PRKG1: variants seen among roughly 807,000 people sequenced by gnomAD.
PRKG1 encodes cGMP-dependent protein kinase 1.
In PRKG1, 35 loss-of-function variants were observed where a neutral mutation model predicts 88.1. The observed-to-expected ratio is 0.40, with a 90% CI of 0.30 to 0.53. PRKG1 has a LOEUF of 0.53. Ranked by LOEUF, PRKG1 falls within the 20% of genes least tolerant of loss-of-function variation. The probability of loss-of-function intolerance (pLI) is 0.59; values close to 1 mark genes in which losing one functional copy is unlikely to be tolerated. For synonymous variants in PRKG1, 303 were observed against 292.5 expected, an observed-to-expected ratio of 1.04 and a Z score of -0.37; for missense variants, 540 against 839.8, an observed-to-expected ratio of 0.64 and a Z score of 4.41.
At chr10:51,865,042 C>T (rs748343171) in intron 4 of PRKG1, among the ~76,000 whole-genome samples, 7 of 151,946 alleles carry the variant, frequency 4.6e-5, no homozygotes, top group East Asian at 3.8e-4. Context: ...TTATATTGTA[C>T]GCCAGCTACA....
At chr10:51,841,584 T>C (rs1279778376) in intron 4 of PRKG1, among the ~76,000 whole-genome samples, 3 of 152,176 alleles carry the variant, frequency 2.0e-5, no homozygotes, top group African/African-American at 7.2e-5. Context: ...GAAATTCTGT[T>C]TTCTTGTGCA....
intron 1 of PRKG1, among the ~76,000 whole-genome samples, chr10:51,151,058 A>C (rs1171780288): frequency 6.6e-6 from 1 of 151,868 alleles, no homozygotes; most frequent in Non-Finnish European, 1.5e-5. Flanking sequence ...ATGTAGCTGA[A>C]CAAGTTGTGG....
chr10:51,288,866 T>A (rs1840510611), intron 2 of PRKG1, among the ~76,000 whole-genome samples: 1 of 152,168 alleles, frequency 6.6e-6, no homozygotes, highest in Admixed American at 6.5e-5. Flanking sequence ...TAGAAGTAGA[T>A]TTTTTTACTT....
At chr10:52,017,258 T>C (rs575076858) in intron 5 of PRKG1, among the ~76,000 whole-genome samples, 2 of 152,278 alleles carry the variant, frequency 1.3e-5, no homozygotes, top group South Asian at 4.1e-4. Flanking sequence ...GAGTTGTAAA[T>C]CTTCTCATTG....
At chr10:51,230,720 A>G (rs1838821949) in intron 2 of PRKG1, among the ~76,000 whole-genome samples, 1 of 152,178 alleles carries the variant, frequency 6.6e-6, no homozygotes. Context: ...ATTACTTATA[A>G]TAATGAATGC....
At position 51,074,665 on chromosome 10, in the gene PRKG1, C is replaced by T; in HGVS notation, c.75C>T (p.Ile25=). 1 of 1,614,074 alleles carries T rather than the reference C, an allele frequency of 6.2e-7. No homozygotes were observed. Among genetic ancestry groups the T allele is most frequent in the Non-Finnish European group, 8.5e-7 (1 of 1,179,978 alleles). The change falls in exon 1 of 18, where the codon ATC becomes ATT. Residue 25 remains isoleucine (I), a synonymous_variant. Coordinates refer to ENST00000373980, the MANE Select transcript of PRKG1 (RefSeq NM_006258.4). ...AGCTGAGGCAGCGGGATGCTCTCAT[C>T]GACGAGCTGGAGCTGGAGTTGGATC... ...IEELRQRDAL[I]DELELELDQK...
chr10:51,752,772 A>G (rs1837759725), intron 3 of PRKG1, among the ~76,000 whole-genome samples: 1 of 152,134 alleles, frequency 6.6e-6, no homozygotes, highest in South Asian at 2.1e-4. Flanking sequence ...AAAACTGTAT[A>G]CTTCGTAGAG....
chr10:52,109,852 T>C lies in PRKG1; in HGVS notation c.936-23988T>C, dbSNP rs999165543. On this transcript the variant is annotated intron_variant, in intron 7 of 17. Transcript: ENST00000373980. ...ATCACTGCCTTACATAGGTCATATA[T>C]AGCAGTGTCAAAGAGCTTTACTTGA... Among the ~76,000 whole-genome samples the C allele has an allele frequency of 3.3e-5, 5 of 151,980 alleles. 1 individual carries two copies. Among genetic ancestry groups the C allele is most frequent in the African/African-American group, 9.7e-5 (4 of 41,234 alleles).
intron 3 of PRKG1, among the ~76,000 whole-genome samples, chr10:51,663,434 G>A (rs79497484): frequency 0.011 from 1,680 of 151,962 alleles, 32 homozygotes; most frequent in African/African-American, 0.038. Context: ...GCTGGATGTG[G>A]TGACTCATGA....
At chr10:51,459,705 G>A (rs1193924347) in intron 2 of PRKG1, among the ~76,000 whole-genome samples, 2 of 152,088 alleles carry the variant, frequency 1.3e-5, no homozygotes, top group African/African-American at 4.8e-5. Context: ...GTGGAGCCAG[G>A]ATCTGAAATT....
At chr10:51,740,333 C>T (rs1014455173) in intron 3 of PRKG1, among the ~76,000 whole-genome samples, 1 of 152,204 alleles carries the variant, frequency 6.6e-6, no homozygotes, top group Non-Finnish European at 1.5e-5. Flanking sequence ...CTGGCCCCCA[C>T]ACAGCTTTTA....
chr10:51,804,604 C>A lies in PRKG1; in HGVS notation c.612C>A (p.Leu204=). The part of the protein sequence containing the change: ...ATVKTLVNVK[L]WAIDRQCFQT... ...CTCCAGCTCTTGTAAATGTAAAACTCTGGGCCATTGATCGACAATGTTTTC... is the reference window on the plus strand; with the variant it reads ...CTCCAGCTCTTGTAAATGTAAAACTATGGGCCATTGATCGACAATGTTTTC... Residue 204 remains leucine, a synonymous_variant, in exon 4 of 18, where the codon CTC becomes CTA. Coordinates refer to ENST00000373980, the MANE Select transcript of PRKG1 (RefSeq NM_006258.4). 1 of 1,597,148 alleles carries A rather than the reference C, an allele frequency of 6.3e-7. No individual in the cohort carries two copies. The highest frequency in any genetic ancestry group is 8.6e-7 in the Non-Finnish European group (1 of 1,165,310).
intron 8 of PRKG1, among the ~76,000 whole-genome samples, chr10:52,147,649 G>A (rs556877153): frequency 6.6e-6 from 1 of 152,282 alleles, no homozygotes; most frequent in East Asian, 1.9e-4. Context: ...TAAAGGCAGC[G>A]AAACAGAGGA....
intron 9 of PRKG1, among the ~76,000 whole-genome samples, chr10:52,212,191 G>A (rs186169106): frequency 7.8e-4 from 119 of 152,280 alleles, no homozygotes; most frequent in African/African-American, 2.7e-3. Flanking sequence ...AAACAGTAGT[G>A]AGGTACAGAA....
intron 4 of PRKG1, among the ~76,000 whole-genome samples, chr10:51,870,482 C>T (rs1295737640): frequency 6.6e-6 from 1 of 151,696 alleles, no homozygotes; most frequent in Non-Finnish European, 1.5e-5. Flanking sequence ...TTTTTAGGGC[C>T]CCACCATCTC....
chr10:51,776,981 A>G (rs1344529435), intron 3 of PRKG1, among the ~76,000 whole-genome samples: 1 of 152,170 alleles, frequency 6.6e-6, no homozygotes, highest in Non-Finnish European at 1.5e-5. Context: ...TAACAGAAAG[A>G]TTGTAATCGT....
chr10:51,313,868 C>T (rs992358142), intron 2 of PRKG1, among the ~76,000 whole-genome samples: 1 of 152,144 alleles, frequency 6.6e-6, no homozygotes, highest in East Asian at 1.9e-4. Context: ...GTACTTGGCA[C>T]ACGGCAAATT....
chr10:51,565,396 T>C (rs1837573093), intron 3 of PRKG1, among the ~76,000 whole-genome samples: 1 of 151,916 alleles, frequency 6.6e-6, no homozygotes, highest in African/African-American at 2.4e-5. Flanking sequence ...GTTCTCTTGC[T>C]CCACCAAGAG....
intron 5 of PRKG1, among the ~76,000 whole-genome samples, chr10:52,035,918 C>T (rs76376557): frequency 3.6e-4 from 55 of 151,884 alleles, no homozygotes; most frequent in African/African-American, 6.5e-4. Context: ...CTACAGGGTG[C>T]GGTCCTGGCT....
Sources: gnomAD v4.1 joint callset for allele counts (sites outside exome capture counted in the v4.1 genomes callset) on GRCh38, gnomAD v4.1.1 for gene constraint, MANE v1.5 for transcripts, NCBI Gene and HGNC (gene_info 2026-07-23, HGNC 2026-07-21) for gene names.